The following LOC400499 variants were observed in gnomAD, a reference collection of about 807,000 sequenced individuals.
the LOC400499 span, among the ~76,000 whole-genome samples, chr16:11,403,218 G>A: frequency 2.0e-5 from 3 of 152,284 alleles, no homozygotes; most frequent in Admixed American, 1.3e-4. Context: ...CTGTTCAGAT[G>A]GGCTGCAGGA....
At chr16:11,474,187 C>T in the LOC400499 span, among the ~76,000 whole-genome samples, 51,719 of 152,036 alleles carry the variant, frequency 0.34, 9,626 homozygotes, top group African/African-American at 0.47. Context: ...TTTGCGGTCA[C>T]ACAGTCTAGC....
the LOC400499 span, among the ~76,000 whole-genome samples, chr16:11,377,047 A>G: frequency 4.6e-5 from 7 of 151,224 alleles, no homozygotes; most frequent in Non-Finnish European, 7.4e-5. Context: ...TTGACCTCTG[A>G]GGCTCAAGTG....
chr16:11,461,266 A>T, the LOC400499 span: 1 of 1,000,734 alleles, frequency 1.0e-6, no homozygotes, highest in Non-Finnish European at 1.4e-6. Context: ...CCTGCACAAC[A>T]GGCCACAGAC....
chr16:11,483,417 T>C, the LOC400499 span, among the ~76,000 whole-genome samples: 1 of 151,908 alleles, frequency 6.6e-6, no homozygotes, highest in South Asian at 2.1e-4. Flanking sequence ...AATCAACAGG[T>C]GAATGGAGAA....
chr16:11,461,138 G>A, the LOC400499 span: 1 of 1,526,728 alleles, frequency 6.5e-7, no homozygotes, highest in Non-Finnish European at 8.8e-7. Context: ...ACAGAGAGCA[G>A]GCAGATGAGA....
At chr16:11,468,496 T>G in the LOC400499 span, among the ~76,000 whole-genome samples, 1 of 152,180 alleles carries the variant, frequency 6.6e-6, no homozygotes, top group Non-Finnish European at 1.5e-5. Context: ...GTTAACATTT[T>G]TTAATGTTTT....
the LOC400499 span, among the ~76,000 whole-genome samples, chr16:11,436,500 G>A: frequency 1.3e-5 from 2 of 152,152 alleles, no homozygotes; most frequent in African/African-American, 4.8e-5. Context: ...TTCCTGATCT[G>A]GGCCTCAGTT....
At chr16:11,491,747 C>T in the LOC400499 span, 6 of 351,112 alleles carry the variant, frequency 1.7e-5, no homozygotes, top group African/African-American at 1.3e-4. Flanking sequence ...CCTGGGCAAA[C>T]ACCTCCTCAC....
At chr16:11,427,023 G>C in the LOC400499 span, among the ~76,000 whole-genome samples, 1 of 150,858 alleles carries the variant, frequency 6.6e-6, no homozygotes, top group Non-Finnish European at 1.5e-5. Flanking sequence ...AAATTCATGT[G>C]ACCTGTCTCA....
the LOC400499 span, among the ~76,000 whole-genome samples, chr16:11,526,738 G>C: frequency 3.9e-5 from 6 of 152,186 alleles, no homozygotes; most frequent in African/African-American, 1.4e-4. Flanking sequence ...CTGAGACAAT[G>C]TCTCACTCTG....
the LOC400499 span, among the ~76,000 whole-genome samples, chr16:11,397,776 A>AT: frequency 4.7e-4 from 4 of 8,574 alleles, no homozygotes; most frequent in African/African-American, 6.9e-4. Flanking sequence ...GGAGGGATGG[A>AT]GGGAGGGAGG....
At chr16:11,464,812 AG>A in the LOC400499 span, among the ~76,000 whole-genome samples, 1,092 of 152,358 alleles carry the variant, frequency 7.2e-3, 12 homozygotes, top group African/African-American at 0.025. Flanking sequence ...AGGGACCAGC[AG>A]GAAGATCCAC....
chr16:11,399,877 A>G, the LOC400499 span: 2 of 398,492 alleles, frequency 5.0e-6, no homozygotes, highest in Non-Finnish European at 8.8e-6. Context: ...AGGAGAGGTT[A>G]ACGGTGTCCC....
the LOC400499 span, among the ~76,000 whole-genome samples, chr16:11,443,062 G>C: frequency 2.0e-5 from 3 of 152,108 alleles, no homozygotes; most frequent in Non-Finnish European, 4.4e-5. Flanking sequence ...GGTGGTTCAT[G>C]GCTGTAATCC....
the LOC400499 span, chr16:11,390,329 G>C: frequency 8.2e-5 from 101 of 1,233,582 alleles, 3 homozygotes; most frequent in East Asian, 8.5e-4. Flanking sequence ...ATGGGCCTTG[G>C]ACCCCCTTTG....
At chr16:11,382,426 G>C in the LOC400499 span, among the ~76,000 whole-genome samples, 1 of 152,156 alleles carries the variant, frequency 6.6e-6, no homozygotes, top group Admixed American at 6.5e-5. Flanking sequence ...GTGGGGCTTT[G>C]GCTGTGGGAA....
chr16:11,425,521 G>C, the LOC400499 span: 7 of 398,110 alleles, frequency 1.8e-5, no homozygotes, highest in Non-Finnish European at 2.2e-5. Flanking sequence ...TTGGGGGTAA[G>C]AAGTTGCTAG....
the LOC400499 span, among the ~76,000 whole-genome samples, chr16:11,428,866 T>TG: frequency 2.9e-4 from 43 of 150,744 alleles, no homozygotes; most frequent in African/African-American, 1.0e-3. Context: ...AACATTTAGG[T>TG]GGGGGGCACG....
chr16:11,376,815 C>T, the LOC400499 span, among the ~76,000 whole-genome samples: 2,045 of 152,238 alleles, frequency 0.013, 49 homozygotes, highest in African/African-American at 0.047. Context: ...TCTTACAATC[C>T]ATAAATATGA....
Sources: allele counts gnomAD v4.1 joint callset (sites outside exome capture counted in the v4.1 genomes callset), GRCh38; gene constraint gnomAD v4.1.1; transcripts MANE v1.5.